SKAP1: variants seen among roughly 807,000 people sequenced by gnomAD.
SKAP1 encodes the protein src kinase associated phosphoprotein 1.
In SKAP1, 44 loss-of-function variants were observed where a neutral mutation model predicts 58.5. The observed-to-expected ratio is 0.75, with a 90% CI of 0.59 to 0.97. The LOEUF (loss-of-function observed/expected upper bound fraction) is 0.97. Among genes scored for constraint, SKAP1 ranks in the 50% least tolerant of loss-of-function variants. The pLI, the probability that SKAP1 is intolerant of heterozygous loss-of-function variation, is 0.00. For synonymous variants in SKAP1, 127 were observed against 149.7 expected (o/e 0.85, Z 1.11); for missense variants, 390 against 435.2 (o/e 0.90, Z 0.92).
At chr17:48,179,604 A>G (rs971876677) in intron 9 of SKAP1, among the ~76,000 whole-genome samples, 1 of 152,236 alleles carries the variant, frequency 6.6e-6, no homozygotes, top group Non-Finnish European at 1.5e-5. Flanking sequence ...GGTTTGGTCT[A>G]TCAAGGTATT....
At chr17:48,257,718 A>G (rs2065440988) in intron 4 of SKAP1, among the ~76,000 whole-genome samples, 1 of 147,882 alleles carries the variant, frequency 6.8e-6, no homozygotes, top group Non-Finnish European at 1.5e-5. Flanking sequence ...CATCTCAACA[A>G]TCAATTTTTA....
intron 4 of SKAP1, among the ~76,000 whole-genome samples, chr17:48,296,240 T>C (rs1351301851): frequency 2.0e-5 from 3 of 152,132 alleles, no homozygotes; most frequent in Non-Finnish European, 4.4e-5. Context: ...AGAAGAGAAG[T>C]AATTTAGCAT....
chr17:48,228,935 G>T (rs6504115), intron 4 of SKAP1, among the ~76,000 whole-genome samples: 24,420 of 152,062 alleles, frequency 0.16, 2,661 homozygotes, highest in African/African-American at 0.3. Context: ...GGCAGGTGGG[G>T]TAAGAGCTGG....
chr17:48,133,493 C>T lies in SKAP1; in HGVS notation c.*331G>A, dbSNP rs945725019. On this transcript the variant is annotated 3_prime_UTR_variant, in exon 13 of 13. Transcript: ENST00000336915. ...TTTGTGCTTTTCAAACCAGCCAGAA[C>T]AACCAGTAATGTCCTCCTCCCAAGG... is the stretch of plus-strand genomic sequence containing the variant. The T allele has an allele frequency of 1.3e-5, 2 of 152,252 alleles. No homozygotes were observed. Among genetic ancestry groups the T allele is most frequent in the African/African-American group, 4.8e-5 (2 of 41,456 alleles). The allele number at this position is 152,252 out of a possible 1,614,324, so 9.4% of individuals were successfully genotyped here.
intron 4 of SKAP1, among the ~76,000 whole-genome samples, chr17:48,321,420 C>A (rs2144223776): frequency 6.7e-6 from 1 of 150,332 alleles, no homozygotes; most frequent in South Asian, 2.1e-4. Flanking sequence ...CTCTGTCACC[C>A]AGGCTGGAGT....
At chr17:48,140,943 T>C (rs1016077849) in intron 11 of SKAP1, among the ~76,000 whole-genome samples, 3 of 151,940 alleles carry the variant, frequency 2.0e-5, no homozygotes, top group African/African-American at 7.3e-5. Flanking sequence ...CGTGCCACCA[T>C]GGCCAGCTAA....
intron 4 of SKAP1, among the ~76,000 whole-genome samples, chr17:48,238,129 G>A (rs1467296847): frequency 2.6e-5 from 4 of 152,012 alleles, no homozygotes; most frequent in African/African-American, 9.7e-5. Context: ...GAGTAGCTGG[G>A]ATTACAGGCG....
At chr17:48,212,520 A>C (rs2143681901) in intron 4 of SKAP1, among the ~76,000 whole-genome samples, 1 of 152,340 alleles carries the variant, frequency 6.6e-6, no homozygotes, top group South Asian at 2.1e-4. Context: ...TGTTAGTACT[A>C]ATTTCACACC....
intron 4 of SKAP1, among the ~76,000 whole-genome samples, chr17:48,231,545 T>TAA (rs11408797): frequency 7.7e-4 from 115 of 149,172 alleles, no homozygotes; most frequent in African/African-American, 1.7e-3. Context: ...AATGAGTTAA[T>TAA]AAAAAAAAAA....
intron 3 of SKAP1, among the ~76,000 whole-genome samples, chr17:48,361,071 G>GTACTA (rs67180445): frequency 0.21 from 30,404 of 145,310 alleles, 3,290 homozygotes; most frequent in East Asian, 0.31. Context: ...AACTTGTACT[G>GTACTA]TACTATACTA....
intron 1 of SKAP1, among the ~76,000 whole-genome samples, chr17:48,420,015 C>G (rs2067776176): frequency 6.6e-6 from 1 of 152,162 alleles, no homozygotes; most frequent in Non-Finnish European, 1.5e-5. Context: ...CAGTGGAACT[C>G]AAAGACTCCA....
At chr17:48,362,986 TA>T (rs2066954802) in intron 3 of SKAP1, among the ~76,000 whole-genome samples, 1 of 152,182 alleles carries the variant, frequency 6.6e-6, no homozygotes, top group Non-Finnish European at 1.5e-5. Flanking sequence ...CCATTTATAA[TA>T]AATTAAGATA....
intron 4 of SKAP1, among the ~76,000 whole-genome samples, chr17:48,246,306 A>G (rs1465480082): frequency 6.6e-6 from 1 of 152,128 alleles, no homozygotes; most frequent in Non-Finnish European, 1.5e-5. Flanking sequence ...TCATCCTCCT[A>G]CAATTAAGTA....
chr17:48,213,962 G>C (rs1296434880), intron 4 of SKAP1, among the ~76,000 whole-genome samples: 8 of 152,186 alleles, frequency 5.3e-5, no homozygotes, highest in Admixed American at 5.2e-4. Flanking sequence ...CTTGGAGAGA[G>C]AAAGTAAAAA....
intron 6 of SKAP1, 37 bp downstream of exon 6, chr17:48,187,806 G>T: frequency 7.0e-7 from 1 of 1,421,726 alleles, no homozygotes; most frequent in African/African-American, 1.4e-5. Context: ...TTTGCATCCA[G>T]GAGTGAGATG....
In SKAP1 at chr17:48,353,908, A is replaced by AAAAAG. The variant is rs1360394523; in HGVS notation, c.179-7907_179-7903dup. Among the ~76,000 whole-genome samples the AAAAAG allele has an allele frequency of 1.5e-4, 22 of 150,344 alleles. 1 individual carries two copies. The highest frequency in any genetic ancestry group is 3.9e-4 in the African/African-American group (16 of 40,754). ...GCAAGACTCTGTCTCAAAAAAAAAA[A>AAAAAG]AAAAGAAAAGAAAAGAAGAAAGAAG... On this transcript the variant is annotated intron_variant, in intron 3 of 12. Coordinates refer to ENST00000336915, the MANE Select transcript of SKAP1 (RefSeq NM_003726.4).
chr17:48,388,801 C>T (rs7209556), intron 2 of SKAP1, among the ~76,000 whole-genome samples: 77,621 of 152,006 alleles, frequency 0.51, 20,710 homozygotes, highest in African/African-American at 0.65. Context: ...ACAAATTCTG[C>T]TACTTTGAGT....
intron 4 of SKAP1, among the ~76,000 whole-genome samples, chr17:48,241,127 C>T (rs975626022): frequency 1.3e-5 from 2 of 151,836 alleles, no homozygotes; most frequent in African/African-American, 4.8e-5. Flanking sequence ...TCATAAGGGA[C>T]CTTGTTTCTT....
At chr17:48,419,294 T>C (rs1048348831) in intron 1 of SKAP1, among the ~76,000 whole-genome samples, 2 of 150,298 alleles carry the variant, frequency 1.3e-5, no homozygotes, top group Non-Finnish European at 3.0e-5. Flanking sequence ...GGGCTTTTTT[T>C]TTTTTCCAAA....
Sources: allele counts gnomAD v4.1 joint callset (sites outside exome capture counted in the v4.1 genomes callset), GRCh38; gene constraint gnomAD v4.1.1; transcripts MANE v1.5; gene names NCBI Gene and HGNC (gene_info 2026-07-23, HGNC 2026-07-21).